The following CEP128 variants were observed in gnomAD, a reference collection of about 807,000 sequenced individuals.
The protein encoded by CEP128 is centrosomal protein 128kDa.
A neutral mutation model predicts 156.7 loss-of-function variants in CEP128; 132 were observed. The ratio of observed to expected loss-of-function variants is 0.84; its 90% confidence interval spans 0.73 to 0.97. The LOEUF (loss-of-function observed/expected upper bound fraction) is 0.97. Among genes scored for constraint, CEP128 ranks in the 50% least tolerant of loss-of-function variants. The probability of loss-of-function intolerance (pLI) is 0.00; values close to 1 mark genes in which losing one functional copy is unlikely to be tolerated. For missense variants in CEP128, 1,252 were observed against 1,281.9 expected (o/e 0.98, Z 0.36); for synonymous variants, 469 against 448.9 (o/e 1.04, Z -0.57).
In CEP128 at chr14:80,497,398, A is replaced by G. The variant is rs893664644; in HGVS notation, c.*81T>C. ...AAGCTGCAGGTATGTCTGTTAGATA[A>G]TCTGGGCCAAATTGCTGTAAGAATA... On this transcript the variant is annotated 3_prime_UTR_variant, in exon 25 of 25. Coordinates refer to ENST00000555265, the MANE Select transcript of CEP128 (RefSeq NM_152446.5). 14 of 935,962 alleles carry G rather than the reference A, an allele frequency of 1.5e-5. No homozygotes were observed. In the East Asian group the frequency reaches 3.1e-4, roughly 21 times the overall value. The allele number at this position is 935,962 out of a possible 1,614,324, so 58.0% of individuals were successfully genotyped here.
intron 2 of CEP128, among the ~76,000 whole-genome samples, chr14:80,953,417 C>G (rs1246429154): frequency 6.6e-6 from 1 of 152,098 alleles, no homozygotes; most frequent in Non-Finnish European, 1.5e-5. Flanking sequence ...AACCCCGTCT[C>G]CACTAAAGAC....
intron 2 of CEP128, among the ~76,000 whole-genome samples, chr14:80,924,418 G>C (rs911554957): frequency 2.0e-5 from 3 of 152,170 alleles, no homozygotes; most frequent in Non-Finnish European, 2.9e-5. Context: ...ATCATTTAAT[G>C]AGTTGTCACT....
chr14:80,738,723 A>G (rs1898660555), intron 19 of CEP128, among the ~76,000 whole-genome samples: 1 of 152,056 alleles, frequency 6.6e-6, no homozygotes, highest in African/African-American at 2.4e-5. Flanking sequence ...TTAATGTTTT[A>G]TTGTTTATAA....
At chr14:80,497,859 C>T (rs374483809) in intron 24 of CEP128, among the ~76,000 whole-genome samples, 39 of 152,218 alleles carry the variant, frequency 2.6e-4, no homozygotes, top group African/African-American at 8.7e-4. Context: ...TAAACCACAC[C>T]GGTGTGCACG....
chr14:80,512,111 T>C (rs1888287438), intron 23 of CEP128, among the ~76,000 whole-genome samples: 1 of 152,018 alleles, frequency 6.6e-6, no homozygotes, highest in Non-Finnish European at 1.5e-5. Context: ...ACAGATTAAG[T>C]CTTATGCTTC....
Position 80,722,775 on chromosome 14 carries a change from G to A in CEP128, c.2806+20300C>T, listed in dbSNP as rs1897868333. On this transcript the variant is annotated intron_variant, in intron 19 of 24. Transcript: ENST00000555265. ...CAGAGATGAAGAAGACAAGGAGGAG[G>A]AGGAGGACAGCATTCTGTCATCTGG... Among the ~76,000 whole-genome samples, 4 of 151,198 alleles carry A rather than the reference G, an allele frequency of 2.6e-5. No individual in the cohort carries two copies. The South Asian group carries it at 8.4e-4, about 32-fold the overall frequency.
At chr14:80,914,521 T>A in intron 3 of CEP128, 113 bp from the exon 4 acceptor site, 1 of 749,096 alleles carries the variant, frequency 1.3e-6, no homozygotes, top group Non-Finnish European at 2.3e-6. Context: ...ACAACTTTTA[T>A]CATGGCTGAG....
intron 2 of CEP128, among the ~76,000 whole-genome samples, chr14:80,921,668 T>C (rs1357160167): frequency 2.0e-5 from 3 of 152,134 alleles, no homozygotes; most frequent in Admixed American, 6.5e-5. Context: ...GATTTGTTTT[T>C]TCAATAACAG....
intron 13 of CEP128, among the ~76,000 whole-genome samples, chr14:80,821,168 A>C (rs1033315906): frequency 3.3e-5 from 5 of 152,248 alleles, no homozygotes; most frequent in Admixed American, 2.0e-4. Flanking sequence ...TTTAAGGCTG[A>C]GTGCAATCTC....
At chr14:80,847,742 C>G (rs1299064241) in intron 9 of CEP128, among the ~76,000 whole-genome samples, 1 of 152,178 alleles carries the variant, frequency 6.6e-6, no homozygotes, top group Non-Finnish European at 1.5e-5. Context: ...GTAGACTACA[C>G]AAATGTGGAA....
chr14:80,774,418 T>C (rs934169770), intron 16 of CEP128, among the ~76,000 whole-genome samples: 5 of 152,198 alleles, frequency 3.3e-5, no homozygotes, highest in African/African-American at 4.8e-5. Flanking sequence ...AGCAGAGCTG[T>C]CCCTTCAACC....
At position 80,531,981 on chromosome 14, in the gene CEP128, G is replaced by C. The variant is rs189551098; in HGVS notation, c.2881-1095C>G. On this transcript the variant is annotated intron_variant, in intron 21 of 24. Transcript: ENST00000555265. ...AGGCATAACTACAAGATTAAGATGA[G>C]AGCTGCCCACCATATTGGATTTCAC... is the stretch of plus-strand genomic sequence containing the variant. Among the ~76,000 whole-genome samples the C allele has an allele frequency of 4.6e-3, 694 of 152,190 alleles. 2 individuals carry two copies. The highest frequency in any genetic ancestry group is 7.2e-3 in the Non-Finnish European group (493 of 68,018).
intron 13 of CEP128, among the ~76,000 whole-genome samples, chr14:80,825,483 ATATTT>A (rs1885422129): frequency 6.6e-6 from 1 of 152,230 alleles, no homozygotes; most frequent in Admixed American, 6.5e-5. Context: ...TTGAAAATAG[ATATTT>A]TATTTCTAAA....
At chr14:80,771,625 C>A (rs1250371942) in intron 16 of CEP128, among the ~76,000 whole-genome samples, 1 of 152,162 alleles carries the variant, frequency 6.6e-6, no homozygotes, top group Non-Finnish European at 1.5e-5. Context: ...AACACAAGTT[C>A]CTATCAATTG....
At chr14:80,875,869 G>A (rs907398203) in intron 8 of CEP128, among the ~76,000 whole-genome samples, 5 of 152,060 alleles carry the variant, frequency 3.3e-5, no homozygotes, top group African/African-American at 1.2e-4. Flanking sequence ...GTAAATCTAA[G>A]GGTAAACCTA....
chr14:80,596,378 C>G (rs771541156), intron 19 of CEP128, among the ~76,000 whole-genome samples: 2 of 151,936 alleles, frequency 1.3e-5, no homozygotes, highest in Non-Finnish European at 2.9e-5. Context: ...AAAAACTTGA[C>G]AGAAAACCAT....
chr14:80,811,104 C>T (rs944742444), intron 13 of CEP128, among the ~76,000 whole-genome samples: 1 of 152,134 alleles, frequency 6.6e-6, no homozygotes, highest in South Asian at 2.1e-4. Flanking sequence ...CACGTCCCTA[C>T]AAAGGACATG....
chr14:80,509,352 G>A (rs1888138039), intron 23 of CEP128, among the ~76,000 whole-genome samples: 1 of 152,172 alleles, frequency 6.6e-6, no homozygotes, highest in Non-Finnish European at 1.5e-5. Flanking sequence ...TAACTGAGGT[G>A]AGATGATATC....
intron 20 of CEP128, among the ~76,000 whole-genome samples, chr14:80,560,740 T>A (rs1890634802): frequency 6.6e-6 from 1 of 152,156 alleles, no homozygotes; most frequent in Non-Finnish European, 1.5e-5. Context: ...AGCCTACATC[T>A]TTCTCCCGTG....
Sources: allele counts gnomAD v4.1 joint callset (sites outside exome capture counted in the v4.1 genomes callset), GRCh38; gene constraint gnomAD v4.1.1; transcripts MANE v1.5; gene names NCBI Gene and HGNC (gene_info 2026-07-23, HGNC 2026-07-21).